The following POLR1C variants were observed in gnomAD, a reference collection of about 807,000 sequenced individuals.
POLR1C encodes RNA polymerase I and III subunit C.
POLR1C carries 42 observed loss-of-function variants against 38.3 expected under a neutral mutation model. The observed-to-expected ratio is 1.10, with a 90% confidence interval of 0.86 to 1.42. The LOEUF (loss-of-function observed/expected upper bound fraction) is 1.42, where lower values mean the gene tolerates loss of function less well. Among genes scored for constraint, POLR1C ranks in the 40% most tolerant of loss-of-function variants. POLR1C has a pLI of 0.00. For synonymous variants in POLR1C, 163 were observed against 163.9 expected, an observed-to-expected ratio of 0.99 and a Z score of 0.04; for missense variants, 507 against 450.5, an observed-to-expected ratio of 1.13 and a Z score of -1.14.
chr6:43,549,627 C>T (rs755348355), intron 9 of POLR1C: 2 of 1,588,138 alleles, frequency 1.3e-6, no homozygotes, highest in Non-Finnish European at 1.7e-6. Context: ...ATATAATATA[C>T]AGGTGCTGCA....
rs1561882891 is a variant in POLR1C, at chr6:43,561,006, C to A, written c.*49-394C>A. 1.2e-6 allele frequency: 2 copies of A among 1,613,152 alleles called. No individual in the cohort carries two copies. Among genetic ancestry groups the A allele is most frequent in the African/African-American group, 2.7e-5 (2 of 74,994 alleles). On this transcript the variant is annotated intron_variant, in intron 10 of 10. Coordinates refer to the POLR1C transcript ENST00000607635. ...TGGTGTTTCTACATCAGAATCTGCA[C>A]CCTGTAGGAGAAGACCACTATATTA...
chr6:43,520,063 CAGG>C lies in POLR1C; in HGVS notation c.383_385del (p.Gly128del). 1 of 1,614,056 alleles carries C rather than the reference CAGG, an allele frequency of 6.2e-7. No homozygotes were observed. The highest frequency in any genetic ancestry group is 8.5e-7 in the Non-Finnish European group (1 of 1,179,962). On this transcript the variant is annotated splice_acceptor_variant and coding_sequence_variant, in exon 5 of 9. Coordinates refer to ENST00000642195, the MANE Select transcript of POLR1C (RefSeq NM_203290.4). LOFTEE classifies it high-confidence loss of function. ...TTCTTAGGAGCTCCCTCCATTTGTG[CAGG>C]AGATGAAGAAGGCACAGAGATAGAT...
At chr6:43,525,642 T>C (rs1793537364), downstream of POLR1C, 3 of 594,126 alleles carry the variant, frequency 5.0e-6, no homozygotes, top group Non-Finnish European at 8.8e-6. Context: ...TCCTGAGAGC[T>C]CCTGCCTATG....
chr6:43,547,724 G>GA, intron 9 of POLR1C: 1 of 1,608,542 alleles, frequency 6.2e-7, no homozygotes, highest in Non-Finnish European at 8.5e-7. Context: ...GTTGGAGGGG[G>GA]AAAAACAAGT....
At chr6:43,539,543 T>C in intron 9 of POLR1C, 1 of 1,436,026 alleles carries the variant, frequency 7.0e-7, no homozygotes, top group Non-Finnish European at 9.7e-7. Context: ...ATCTTTGGCC[T>C]TGCCTCCGCG....
chr6:43,537,240 G>A (rs1794396096), intron 9 of POLR1C, among the ~76,000 whole-genome samples: 1 of 150,736 alleles, frequency 6.6e-6, no homozygotes, highest in African/African-American at 2.5e-5. Flanking sequence ...CCAAAGTGCT[G>A]AAATTATAGG....
downstream of POLR1C, chr6:43,530,900 C>A (rs1793928732): frequency 6.7e-7 from 1 of 1,496,988 alleles, no homozygotes; most frequent in South Asian, 1.4e-5. Flanking sequence ...CCATGAATTT[C>A]ATTTCTAGCC....
intron 8 of POLR1C, chr6:43,528,976 T>A: frequency 6.5e-7 from 1 of 1,538,216 alleles, no homozygotes; most frequent in Non-Finnish European, 8.8e-7. Context: ...ATCTCTCACC[T>A]GCCAGGTGGT....
At chr6:43,532,758 T>C (rs958182968), downstream of POLR1C, among the ~76,000 whole-genome samples, 10 of 152,218 alleles carry the variant, frequency 6.6e-5, no homozygotes, top group Non-Finnish European at 1.3e-4. Context: ...CCCTGCCACT[T>C]TCCTTCACAG....
chr6:43,557,381 G>A (rs1408476956), intron 10 of POLR1C, among the ~76,000 whole-genome samples: 1 of 151,684 alleles, frequency 6.6e-6, no homozygotes, highest in African/African-American at 2.4e-5. Context: ...AGCCGAGATT[G>A]TGCCACTGCA....
chr6:43,521,480 C>G lies in POLR1C; in HGVS notation c.*180C>G. The G allele has an allele frequency of 7.1e-7, 1 of 1,407,684 alleles. No individual in the cohort carries two copies. Among genetic ancestry groups the G allele is most frequent in the South Asian group, 1.4e-5 (1 of 70,748 alleles). The allele number at this position is 1,407,684 out of a possible 1,614,324, so 87.2% of individuals were successfully genotyped here. A position where few individuals can be genotyped will look rare whatever the true frequency, so the allele number is the denominator to read the frequency against. On this transcript the variant is annotated 3_prime_UTR_variant, in exon 9 of 9. Transcript: ENST00000642195. Reference sequence around the variant, plus strand: ...GAGACTTTTTACGCCTTTATAAGGCCTTAGATGTAAATAAACTCACCCAAA... The same window carrying G: ...GAGACTTTTTACGCCTTTATAAGGCGTTAGATGTAAATAAACTCACCCAAA...
chr6:43,549,319 C>T (rs540490923), intron 9 of POLR1C, among the ~76,000 whole-genome samples: 18 of 152,350 alleles, frequency 1.2e-4, no homozygotes, highest in African/African-American at 4.3e-4. Context: ...CCACCTCAGT[C>T]TCCCAAAGTG....
Position 43,521,181 on chromosome 6 carries a change from GTC to G in POLR1C, c.926_927del (p.Ser309CysfsTer2). The G allele has an allele frequency of 6.2e-7, 1 of 1,614,106 alleles. No individual in the cohort carries two copies. Among genetic ancestry groups the G allele is most frequent in the Non-Finnish European group, 8.5e-7 (1 of 1,179,966 alleles). ...GACTAAAGTGTCTCTTTGGTCCCCA[GTC>G]TCTGTTGAGTCAACGGGGGTGTTGC... is the stretch of plus-strand genomic sequence containing the variant. ...RLARVRDHYI[F>X]SVESTGVLPP... On this transcript the variant is annotated frameshift_variant and splice_region_variant, in exon 9 of 9. Coordinates refer to ENST00000642195, the MANE Select transcript of POLR1C (RefSeq NM_203290.4). LOFTEE classifies it high-confidence loss of function.
intron 9 of POLR1C, among the ~76,000 whole-genome samples, chr6:43,537,013 C>CTGGA (rs1433421372): frequency 6.6e-6 from 1 of 152,134 alleles, no homozygotes; most frequent in Non-Finnish European, 1.5e-5. Flanking sequence ...ACTGCCCAGG[C>CTGGA]TGGATTGCAG....
At chr6:43,530,972 G>C, downstream of POLR1C, 1 of 1,058,814 alleles carries the variant, frequency 9.4e-7, no homozygotes. Context: ...TATAGATACA[G>C]CATCTTTTTA....
intron 9 of POLR1C, among the ~76,000 whole-genome samples, chr6:43,538,298 C>T (rs1439118553): frequency 6.6e-6 from 1 of 151,474 alleles, no homozygotes; most frequent in Non-Finnish European, 1.5e-5. Context: ...TACAGGTGCG[C>T]ACCACCACAC....
intron 9 of POLR1C, among the ~76,000 whole-genome samples, chr6:43,542,436 G>C (rs1428157689): frequency 1.3e-5 from 2 of 151,840 alleles, no homozygotes; most frequent in Admixed American, 6.6e-5. Flanking sequence ...TTGAGATGGA[G>C]TCTTACCCTG....
chr6:43,535,366 G>A (rs1193309866), intron 9 of POLR1C, among the ~76,000 whole-genome samples: 4 of 151,362 alleles, frequency 2.6e-5, no homozygotes, highest in East Asian at 2.0e-4. Flanking sequence ...GAGGTGGGTG[G>A]ATCATCTGAG....
chr6:43,521,046 T>G lies in POLR1C; in HGVS notation c.920T>G (p.Ile307Ser). 1 of 1,612,398 alleles carries G rather than the reference T, an allele frequency of 6.2e-7. No homozygotes were observed. Among genetic ancestry groups the G allele is most frequent in the Non-Finnish European group, 8.5e-7 (1 of 1,178,408 alleles). The change falls in exon 8 of 9, where the codon ATC becomes AGC. Residue 307 changes from isoleucine to serine, a missense_variant and splice_region_variant. Transcript: ENST00000642195. ...VRLARVRDHY[I>S]FSVESTGVLP... Reference sequence around the variant, plus strand: ...CTTGCCCGGGTTCGAGATCATTATATCTGTGAGTATGAAGTGGTGAGATGA... The same window carrying G: ...CTTGCCCGGGTTCGAGATCATTATAGCTGTGAGTATGAAGTGGTGAGATGA...
Sources: gnomAD v4.1 joint callset for allele counts (sites outside exome capture counted in the v4.1 genomes callset) on GRCh38, gnomAD v4.1.1 for gene constraint, MANE v1.5 for transcripts, NCBI Gene and HGNC (gene_info 2026-07-23, HGNC 2026-07-21) for gene names.